AGO2: variants seen among roughly 807,000 people sequenced by gnomAD.
AGO2 encodes argonaute RISC catalytic component 2.
In AGO2, 5 loss-of-function variants were observed where a neutral mutation model predicts 102.3. That is an observed-to-expected ratio of 0.05 (90% CI 0.03 to 0.10). The LOEUF is 0.10. AGO2 is among the 10% of genes least tolerant of loss of function. The pLI, the probability that AGO2 is intolerant of heterozygous loss-of-function variation, is 1.00. For missense variants in AGO2, 541 were observed against 1,183.7 expected, an observed-to-expected ratio of 0.46 and a Z score of 7.97; for synonymous variants, 449 against 473.1, an observed-to-expected ratio of 0.95 and a Z score of 0.66.
chr8:140,632,540 A>AG (rs1446967703), intron 1 of AGO2, among the ~76,000 whole-genome samples: 1 of 152,384 alleles, frequency 6.6e-6, no homozygotes, highest in East Asian at 1.9e-4. Flanking sequence ...CAAATCTGCG[A>AG]GGGGTGTAAC....
chr8:140,553,462 T>C (rs534494419), intron 10 of AGO2, among the ~76,000 whole-genome samples: 1 of 143,500 alleles, frequency 7.0e-6, no homozygotes, highest in East Asian at 2.0e-4. Flanking sequence ...CAGGCTGGAG[T>C]GCAATGGCAC....
chr8:140,555,772 G>A, intron 10 of AGO2, 124 bp downstream of exon 10: 1 of 1,339,708 alleles, frequency 7.5e-7, no homozygotes, highest in Non-Finnish European at 9.9e-7. Context: ...GCTCAGCCGG[G>A]AGTAGAAAGG....
intron 1 of AGO2, among the ~76,000 whole-genome samples, chr8:140,599,154 G>A (rs551618787): frequency 3.0e-4 from 45 of 152,324 alleles, no homozygotes; most frequent in African/African-American, 1.0e-3. Context: ...TTGGGAAGCA[G>A]TCCCCAAAGC....
At chr8:140,581,777 G>C (rs750002886) in intron 2 of AGO2, among the ~76,000 whole-genome samples, 1 of 152,198 alleles carries the variant, frequency 6.6e-6, no homozygotes, top group Non-Finnish European at 1.5e-5. Context: ...CATATTTAAA[G>C]AACCTCATAG....
chr8:140,521,723 G>C lies in AGO2; in HGVS notation c.*10321C>G, dbSNP rs922663759. 6.6e-6 allele frequency: 1 copy of C among 152,236 alleles called. No homozygotes were observed. Among genetic ancestry groups the C allele is most frequent in the African/African-American group, 2.4e-5 (1 of 41,454 alleles). The allele number at this position is 152,236 out of a possible 1,614,324, so 9.4% of individuals were successfully genotyped here. A position where few individuals can be genotyped will look rare whatever the true frequency, so the allele number is the denominator to read the frequency against. On this transcript the variant is annotated 3_prime_UTR_variant, in exon 19 of 19. Transcript: ENST00000220592. ...TGCCTCCACAAAGCCACGAGCTCTG[G>C]CTCGCCCCTTTCTGTCCATGGCCAT... is the stretch of plus-strand genomic sequence containing the variant.
chr8:140,576,115 C>A (rs2073459745), intron 2 of AGO2, among the ~76,000 whole-genome samples: 1 of 152,128 alleles, frequency 6.6e-6, no homozygotes, highest in Non-Finnish European at 1.5e-5. Context: ...GAGTTTGAGA[C>A]CAGCCTGGCC....
intron 17 of AGO2, among the ~76,000 whole-genome samples, chr8:140,533,367 G>T (rs567095089): frequency 4.1e-5 from 6 of 146,726 alleles, no homozygotes; most frequent in East Asian, 4.1e-4. Context: ...CCAGCCTAGG[G>T]GACAGAGTGA....
intron 3 of AGO2, among the ~76,000 whole-genome samples, chr8:140,563,202 C>T (rs1158797266): frequency 6.6e-6 from 1 of 152,354 alleles, no homozygotes; most frequent in East Asian, 1.9e-4. Context: ...ATGTTATCCT[C>T]ACATGCCCAG....
chr8:140,626,346 C>G (rs2074276206), intron 1 of AGO2: 1 of 152,180 alleles, frequency 6.6e-6, no homozygotes, highest in Non-Finnish European at 1.5e-5. Context: ...TTTCTTATCC[C>G]TCCCTGCTTG....
chr8:140,558,757 T>C (rs2073144315), intron 6 of AGO2, among the ~76,000 whole-genome samples, 185 bp from the exon 7 acceptor site: 1 of 152,182 alleles, frequency 6.6e-6, no homozygotes. Flanking sequence ...CCGTCTCACC[T>C]ACAAGAGTAC....
At chr8:140,604,419 G>A (rs762639829) in intron 1 of AGO2, among the ~76,000 whole-genome samples, 1 of 152,206 alleles carries the variant, frequency 6.6e-6, no homozygotes, top group Non-Finnish European at 1.5e-5. Flanking sequence ...TTGGCTGGGC[G>A]CGGTGGCTCA....
chr8:140,549,101 C>T lies in AGO2; in HGVS notation c.1588+13G>A, dbSNP rs372313746. The T allele has an allele frequency of 1.1e-4, 170 of 1,584,236 alleles. No individual in the cohort carries two copies. In the African/African-American group the frequency reaches 2.0e-3, roughly 18 times the overall value. ...GACGGCTCCCCACAGCCAGCGGGAG[C>T]GCCCACACCTACCGTACACGGGCGT... On this transcript the variant is annotated intron_variant, in intron 12 of 18. Transcript: ENST00000220592.
At chr8:140,558,443 G>T (rs2073137644) in intron 7 of AGO2, 42 bp downstream of exon 7, 2 of 1,600,998 alleles carry the variant, frequency 1.2e-6, no homozygotes, top group Non-Finnish European at 1.7e-6. Flanking sequence ...GAGTGACAGT[G>T]GGGGCCCCAG....
intron 17 of AGO2, among the ~76,000 whole-genome samples, chr8:140,534,822 G>A (rs1329437092): frequency 2.0e-5 from 3 of 152,196 alleles, no homozygotes; most frequent in African/African-American, 4.8e-5. Context: ...CCTGTCCCCC[G>A]GGCGAGGCTC....
At chr8:140,550,177 G>A (rs940175466) in intron 11 of AGO2, among the ~76,000 whole-genome samples, 1 of 152,162 alleles carries the variant, frequency 6.6e-6, no homozygotes, top group Non-Finnish European at 1.5e-5. Context: ...TGGACACAAG[G>A]TGGCCTCAGA....
chr8:140,520,421 T>C lies in AGO2; in HGVS notation c.*11623A>G, dbSNP rs1264354079. Reference sequence around the variant, plus strand: ...TTATTGCAAAAATAGTGCAAACTACTTCACCTAGTAAGCTGTAAAAACAAA... The same window carrying C: ...TTATTGCAAAAATAGTGCAAACTACCTCACCTAGTAAGCTGTAAAAACAAA... On this transcript the variant is annotated 3_prime_UTR_variant, in exon 19 of 19. Coordinates refer to ENST00000220592, the MANE Select transcript of AGO2 (RefSeq NM_012154.5). 2 of 152,224 alleles carry C rather than the reference T, an allele frequency of 1.3e-5. No homozygotes were observed. The highest frequency in any genetic ancestry group is 2.9e-5 in the Non-Finnish European group (2 of 68,044). 9.4% of individuals were successfully genotyped at this position (152,224 alleles called of 1,614,324 possible).
At chr8:140,585,411 T>C (rs2073640729) in intron 1 of AGO2, 100 bp from the exon 2 acceptor site, 10 of 1,370,390 alleles carry the variant, frequency 7.3e-6, no homozygotes, top group Non-Finnish European at 8.0e-6. Flanking sequence ...CCCTCTGCTG[T>C]TTCCATTCAC....
intron 12 of AGO2, 33 bp downstream of exon 12, chr8:140,549,081 C>T: frequency 1.3e-6 from 2 of 1,566,926 alleles, no homozygotes; most frequent in Non-Finnish European, 1.7e-6. Context: ...ACCACGACGG[C>T]TCCCCACAGC....
chr8:140,572,484 A>G (rs1050744381), intron 3 of AGO2: 15 of 195,468 alleles, frequency 7.7e-5, no homozygotes, highest in Middle Eastern at 2.0e-3. Flanking sequence ...GTAGGTCTTT[A>G]TAATACTGGT....
Sources: allele counts gnomAD v4.1 joint callset (sites outside exome capture counted in the v4.1 genomes callset), GRCh38; gene constraint gnomAD v4.1.1; transcripts MANE v1.5; gene names NCBI Gene and HGNC (gene_info 2026-07-23, HGNC 2026-07-21).